The following ARHGAP24 variants were observed in gnomAD, a reference collection of about 807,000 sequenced individuals.
The protein encoded by ARHGAP24 is Rho GTPase activating protein 24, also known as rho GTPase-activating protein 24.
A neutral mutation model predicts 76.4 loss-of-function variants in ARHGAP24; 50 were observed. That is an observed-to-expected ratio of 0.65 (90% CI 0.52 to 0.83). The LOEUF (loss-of-function observed/expected upper bound fraction) is 0.83, where lower values mean the gene tolerates loss of function less well. Among genes scored for constraint, ARHGAP24 ranks in the 40% least tolerant of loss-of-function variants. The pLI is 0.00. For missense variants in ARHGAP24, 930 were observed against 914.2 expected, an observed-to-expected ratio of 1.02 and a Z score of -0.22; for synonymous variants, 345 against 323.3, an observed-to-expected ratio of 1.07 and a Z score of -0.72.
chr4:85,851,407 G>A (rs1731225268), intron 3 of ARHGAP24, among the ~76,000 whole-genome samples: 1 of 152,272 alleles, frequency 6.6e-6, no homozygotes, highest in African/African-American at 2.4e-5. Context: ...TGTCCAGTTT[G>A]TCAGTCTGTG....
At chr4:85,992,795 A>T (rs1740412413) in intron 8 of ARHGAP24, among the ~76,000 whole-genome samples, 1 of 141,286 alleles carries the variant, frequency 7.1e-6, no homozygotes, top group Admixed American at 7.1e-5. Flanking sequence ...ATATAATACA[A>T]TCAATTATTA....
At position 85,928,388 on chromosome 4, in the gene ARHGAP24, A is replaced by G. The variant is rs1736134739; in HGVS notation, c.391+4618A>G. 2.0e-5 allele frequency among the ~76,000 whole-genome samples: 3 copies of G among 151,882 alleles called. No individual in the cohort carries two copies. In the South Asian group the frequency reaches 6.3e-4, roughly 32 times the overall value. ...TCTGTTCAATTGTTTTTGAGGCAATATTTATGGAAGTGTCTAGTCCGGAAT... is the reference window on the plus strand; with the variant it reads ...TCTGTTCAATTGTTTTTGAGGCAATGTTTATGGAAGTGTCTAGTCCGGAAT... On this transcript the variant is annotated intron_variant, in intron 4 of 9. Coordinates refer to ENST00000395184, the MANE Select transcript of ARHGAP24 (RefSeq NM_001025616.3).
Position 85,906,211 on chromosome 4 carries a change from A to G in ARHGAP24, c.269-17437A>G, listed in dbSNP as rs1383238944. Among the ~76,000 whole-genome samples, 13 of 152,340 alleles carry G rather than the reference A, an allele frequency of 8.5e-5. No homozygotes were observed. In the South Asian group the frequency reaches 2.7e-3, roughly 32 times the overall value. On this transcript the variant is annotated intron_variant, in intron 3 of 9. Transcript: ENST00000395184. ...CAAAGTACACATTATAGATTTTTCC[A>G]GCATAATTAAACCCACCACTCACAT...
chr4:85,624,816 T>C (rs1411306328), intron 2 of ARHGAP24, among the ~76,000 whole-genome samples: 4 of 152,164 alleles, frequency 2.6e-5, no homozygotes, highest in Non-Finnish European at 4.4e-5. Flanking sequence ...ATGTATGTGT[T>C]GAGGAATTTA....
At chr4:85,520,085 T>A (rs1724678234) in intron 1 of ARHGAP24, among the ~76,000 whole-genome samples, 1 of 152,196 alleles carries the variant, frequency 6.6e-6, no homozygotes, top group Non-Finnish European at 1.5e-5. Context: ...TGAATTGTTG[T>A]TTCAAAAACA....
intron 3 of ARHGAP24, among the ~76,000 whole-genome samples, chr4:85,868,123 C>T (rs547915314): frequency 4.6e-5 from 7 of 152,056 alleles, no homozygotes; most frequent in South Asian, 2.1e-4. Context: ...ACATTAGTTC[C>T]GCCTGGAAAG....
intron 2 of ARHGAP24, among the ~76,000 whole-genome samples, chr4:85,675,843 G>A (rs112342787): frequency 0.024 from 3,657 of 152,236 alleles, 151 homozygotes; most frequent in African/African-American, 0.083. Context: ...AAAGTCATCA[G>A]GCAGGATGGT....
chr4:85,704,014 A>G (rs1724204835), intron 2 of ARHGAP24, among the ~76,000 whole-genome samples: 1 of 152,108 alleles, frequency 6.6e-6, no homozygotes, highest in African/African-American at 2.4e-5. Flanking sequence ...AAGTTATATT[A>G]TGCAATCTAT....
chr4:85,800,588 AAAG>A (rs142668604), intron 3 of ARHGAP24, among the ~76,000 whole-genome samples: 12,815 of 152,114 alleles, frequency 0.084, 668 homozygotes, highest in Middle Eastern at 0.17. Flanking sequence ...GGAGGAAGAG[AAAG>A]AAGAAAAAAG....
chr4:85,744,426 A>T (rs1411085287), intron 3 of ARHGAP24, among the ~76,000 whole-genome samples: 1 of 152,194 alleles, frequency 6.6e-6, no homozygotes, highest in African/African-American at 2.4e-5. Context: ...AGAAAGATAT[A>T]AGGCCCAAGT....
chr4:85,941,916 T>C (rs1736970323), intron 4 of ARHGAP24, 150 bp from the exon 5 acceptor site: 1 of 783,954 alleles, frequency 1.3e-6, no homozygotes, highest in East Asian at 2.7e-5. Flanking sequence ...ATATAATGAA[T>C]TTGATTGTAT....
intron 2 of ARHGAP24, among the ~76,000 whole-genome samples, chr4:85,674,179 C>T (rs377048916): frequency 1.3e-5 from 2 of 152,078 alleles, no homozygotes; most frequent in Non-Finnish European, 2.9e-5. Flanking sequence ...CAATAATTTT[C>T]GTTTCCAACA....
chr4:85,873,606 C>G (rs1301386708), intron 3 of ARHGAP24, among the ~76,000 whole-genome samples: 1 of 152,186 alleles, frequency 6.6e-6, no homozygotes, highest in Non-Finnish European at 1.5e-5. Flanking sequence ...TCAGAATGTT[C>G]AGAATGGGCA....
intron 5 of ARHGAP24, among the ~76,000 whole-genome samples, chr4:85,968,822 AAG>A (rs781217799): frequency 1.7e-4 from 26 of 152,114 alleles, no homozygotes; most frequent in Non-Finnish European, 3.5e-4. Context: ...AAGCCCCAAA[AAG>A]AGAGTCATAA....
intron 5 of ARHGAP24, among the ~76,000 whole-genome samples, chr4:85,953,722 G>A (rs942643290): frequency 2.0e-5 from 3 of 152,006 alleles, no homozygotes; most frequent in Non-Finnish European, 4.4e-5. Flanking sequence ...GCACCCAGCA[G>A]AGAGACTGGC....
At chr4:85,828,029 G>T (rs534166886) in intron 3 of ARHGAP24, 1 of 1,230,052 alleles carries the variant, frequency 8.1e-7, no homozygotes, top group Non-Finnish European at 1.1e-6. Flanking sequence ...AGGTATTGTT[G>T]TTGATTGTGT....
intron 3 of ARHGAP24, among the ~76,000 whole-genome samples, chr4:85,807,870 T>C (rs192808615): frequency 6.6e-6 from 1 of 152,154 alleles, no homozygotes; most frequent in Non-Finnish European, 1.5e-5. Flanking sequence ...TTGGAGAGTA[T>C]GTTTTCTTAC....
chr4:85,974,811 A>G lies in ARHGAP24; in HGVS notation c.733-77A>G. 4 of 1,374,908 alleles carry G rather than the reference A, an allele frequency of 2.9e-6. No homozygotes were observed. In the East Asian group the frequency reaches 7.0e-5, roughly 24 times the overall value. 85.2% of individuals were successfully genotyped at this position (1,374,908 alleles called of 1,614,324 possible). A position where few individuals can be genotyped will look rare whatever the true frequency, so the allele number is the denominator to read the frequency against. On this transcript the variant is annotated intron_variant, in intron 6 of 9. Transcript: ENST00000395184. ...TGTGAAACTAATTTTTTAAAAAATTATATGGCCATTTCGACTTGCTTTAAT... is the reference window on the plus strand; with the variant it reads ...TGTGAAACTAATTTTTTAAAAAATTGTATGGCCATTTCGACTTGCTTTAAT...
chr4:85,842,504 G>T (rs1174951795), intron 3 of ARHGAP24, among the ~76,000 whole-genome samples: 3 of 151,868 alleles, frequency 2.0e-5, no homozygotes, highest in African/African-American at 7.3e-5. Context: ...AGTCTTCCAG[G>T]TCCATGAAAT....
Sources: gnomAD v4.1 joint callset for allele counts (sites outside exome capture counted in the v4.1 genomes callset) on GRCh38, gnomAD v4.1.1 for gene constraint, MANE v1.5 for transcripts, NCBI Gene and HGNC (gene_info 2026-07-23, HGNC 2026-07-21) for gene names.